Variants in PCDHGA1 observed in about 807,000 individuals in gnomAD.
The protein encoded by PCDHGA1 is protocadherin gamma-A1.
Under a neutral mutation model 58.0 loss-of-function variants are expected in PCDHGA1, and 32 were observed. That is an observed-to-expected ratio of 0.55 (90% CI 0.42 to 0.74). The LOEUF (loss-of-function observed/expected upper bound fraction) is 0.74, where lower values mean the gene tolerates loss of function less well. Ranked by LOEUF, PCDHGA1 falls within the 30% of genes least tolerant of loss-of-function variation. The pLI, the probability that PCDHGA1 is intolerant of heterozygous loss-of-function variation, is 0.00. For synonymous variants in PCDHGA1, 498 were observed against 501.1 expected (o/e 0.99, Z 0.08); for missense variants, 1,205 against 1,182.3 (o/e 1.02, Z -0.28).
At chr5:141,466,871 T>C (rs1432611218) in intron 1 of PCDHGA1, among the ~76,000 whole-genome samples, 2 of 152,166 alleles carry the variant, frequency 1.3e-5, no homozygotes, top group African/African-American at 4.8e-5. Flanking sequence ...ATCCACACAT[T>C]TTTTTCATAA....
At chr5:141,362,603 C>T (rs749234036) in intron 1 of PCDHGA1, 1 of 1,572,606 alleles carries the variant, frequency 6.4e-7, no homozygotes, top group South Asian at 1.2e-5. Flanking sequence ...ATTGTTTCAC[C>T]TAATTTGGGT....
chr5:141,409,571 T>TACGTGGTCC (rs2095286242), intron 1 of PCDHGA1: 2 of 1,613,932 alleles, frequency 1.2e-6, no homozygotes, highest in East Asian at 4.5e-5. Context: ...CCAGACGTCC[T>TACGTGGTCC]ACGTGGTCCA....
At chr5:141,473,283 A>G (rs2099318531) in intron 1 of PCDHGA1, among the ~76,000 whole-genome samples, 1 of 152,324 alleles carries the variant, frequency 6.6e-6, no homozygotes, top group Non-Finnish European at 1.5e-5. Flanking sequence ...TTATTTTACT[A>G]TGTCAGTAGC....
At chr5:141,503,729 G>C (rs531112359) in intron 2 of PCDHGA1, among the ~76,000 whole-genome samples, 1 of 152,190 alleles carries the variant, frequency 6.6e-6, no homozygotes, top group East Asian at 1.9e-4. Flanking sequence ...CTTTATGTTT[G>C]TTGTGATGGT....
intron 2 of PCDHGA1, among the ~76,000 whole-genome samples, chr5:141,501,506 G>A (rs770097282): frequency 1.3e-5 from 2 of 151,864 alleles, no homozygotes; most frequent in Non-Finnish European, 2.9e-5. Context: ...GGGGCTCCAA[G>A]GCCTCCAAGC....
In PCDHGA1 at chr5:141,476,776, G is replaced by A. The variant is rs764674164; in HGVS notation, c.2422-18031G>A. 9.3e-6 allele frequency: 15 copies of A among 1,612,744 alleles called. No homozygotes were observed. The highest frequency in any genetic ancestry group is 1.3e-5 in the Non-Finnish European group (15 of 1,179,218). On this transcript the variant is annotated intron_variant, in intron 1 of 3. Coordinates refer to ENST00000517417, the MANE Select transcript of PCDHGA1 (RefSeq NM_018912.3). This position sits in a 1 kb window ranked among gnomAD's most constrained non-coding sequence, Gnocchi z 7.6. ...TAGTGCTGACGGCGTTGGACGGAGG[G>A]ACCCCAGCTCTCTCCGCCAGCCTGC...
At chr5:141,380,964 T>G (rs774157943) in intron 1 of PCDHGA1, among the ~76,000 whole-genome samples, 7 of 152,256 alleles carry the variant, frequency 4.6e-5, no homozygotes, top group Non-Finnish European at 1.0e-4. Flanking sequence ...TCAAAAGTAC[T>G]ATTAAACAAA....
chr5:141,440,878 C>A (rs1359689557), intron 1 of PCDHGA1: 1 of 152,146 alleles, frequency 6.6e-6, no homozygotes, highest in Non-Finnish European at 1.5e-5. Context: ...TGTACAGCGT[C>A]GGCCTTCAGG....
rs779317191 is a variant in PCDHGA1, at chr5:141,432,553, C to G, written c.2422-62254C>G. The G allele has an allele frequency of 2.6e-5, 42 of 1,613,748 alleles. No individual in the cohort carries two copies. The highest frequency in any genetic ancestry group is 2.0e-4 in the South Asian group (18 of 91,068). The stretch of plus-strand genomic sequence containing the variant: ...AGGTGGTGGCGGTGGACAGAGACTC[C>G]GGCCAGAACGCCTGGCTGTCCTACC... On this transcript the variant is annotated intron_variant, in intron 1 of 3. Coordinates refer to ENST00000517417, the MANE Select transcript of PCDHGA1 (RefSeq NM_018912.3). The surrounding 1 kb of genome is among the most constrained non-coding windows in gnomAD (Gnocchi z 6.0).
chr5:141,416,130 C>T (rs907950687), intron 1 of PCDHGA1: 1 of 154,098 alleles, frequency 6.5e-6, no homozygotes, highest in African/African-American at 2.4e-5. Context: ...ATATATTTTT[C>T]AATCTATACT....
chr5:141,466,297 A>G (rs1206472131), intron 1 of PCDHGA1, among the ~76,000 whole-genome samples: 3 of 152,146 alleles, frequency 2.0e-5, no homozygotes, highest in East Asian at 1.9e-4. Flanking sequence ...CAGGCTCCCA[A>G]GTAGCTGGGA....
rs773127033 is a variant in PCDHGA1 at position 141,365,541 on chromosome 5, T to C, written c.2421+32436T>C. On this transcript the variant is annotated intron_variant, in intron 1 of 3. Transcript: ENST00000517417. Reference sequence around the variant, plus strand: ...AAGTCAGTTGATAATTACTATCACCTATTAACAACTAGGGACCTGGACAGA... The same window carrying C: ...AAGTCAGTTGATAATTACTATCACCCATTAACAACTAGGGACCTGGACAGA... 3 of 1,613,728 alleles carry C rather than the reference T, an allele frequency of 1.9e-6. No individual in the cohort carries two copies. In the African/African-American group the frequency reaches 4.0e-5, roughly 22 times the overall value.
rs201857404 is a variant in PCDHGA1, at chr5:141,485,844, G to C, written c.2422-8963G>C. The C allele has an allele frequency of 1.1e-5, 18 of 1,613,772 alleles. No homozygotes were observed. The highest frequency in any genetic ancestry group is 1.4e-5 in the Non-Finnish European group (16 of 1,179,956). ...GATGGAGGGAACCCGCCGAGATCTG[G>C]CACCGCAGAGCTCCGGGTATCCGTG... is the stretch of plus-strand genomic sequence containing the variant. On this transcript the variant is annotated intron_variant, in intron 1 of 3. Transcript: ENST00000517417. This position sits in a 1 kb window ranked among gnomAD's most constrained non-coding sequence, Gnocchi z 5.7.
intron 1 of PCDHGA1, chr5:141,478,531 C>A (rs771145308): frequency 8.1e-6 from 13 of 1,608,072 alleles, no homozygotes; most frequent in Admixed American, 5.1e-5. Context: ...GTGCAGAGAG[C>A]GCCCCTCCCG....
intron 1 of PCDHGA1, among the ~76,000 whole-genome samples, chr5:141,461,345 G>A (rs1277222105): frequency 1.3e-5 from 2 of 152,102 alleles, no homozygotes; most frequent in African/African-American, 4.8e-5. Context: ...CAGGACCAAG[G>A]TGGTAGCTCG....
intron 1 of PCDHGA1, chr5:141,409,997 G>C: frequency 1.2e-6 from 2 of 1,613,224 alleles, no homozygotes; most frequent in South Asian, 2.2e-5. Context: ...CGCCGACTCG[G>C]GACACAACGC....
In PCDHGA1 at chr5:141,339,410, A is replaced by G. The variant is rs1756833649; in HGVS notation, c.2421+6305A>G. The G allele has an allele frequency of 3.7e-6, 6 of 1,614,246 alleles. No homozygotes were observed. The East Asian group carries it at 1.3e-4, about 36-fold the overall frequency. ...GGAGCTAAAAATCAGTGAAACCACT[A>G]CGCCAGGATTCCGGATTCCTCTTAA... is the stretch of plus-strand genomic sequence containing the variant. On this transcript the variant is annotated intron_variant, in intron 1 of 3. Transcript: ENST00000517417.
chr5:141,438,617 TATATATATATATATATATACACAC>T (rs1311176771), intron 1 of PCDHGA1, among the ~76,000 whole-genome samples: 58 of 37,154 alleles, frequency 1.6e-3, no homozygotes, highest in African/African-American at 7.8e-3. Flanking sequence ...TATATATATA[TATATATATATATATATATACACAC>T]ACACACACAC....
At chr5:141,459,710 C>T (rs2098973565) in intron 1 of PCDHGA1, among the ~76,000 whole-genome samples, 1 of 152,204 alleles carries the variant, frequency 6.6e-6, no homozygotes, top group Non-Finnish European at 1.5e-5. Flanking sequence ...CATTTTCTCA[C>T]CAATGCTTCC....
Sources: gnomAD v4.1 joint callset for allele counts (sites outside exome capture counted in the v4.1 genomes callset) on GRCh38, gnomAD v4.1.1 for gene constraint, Gnocchi (gnomAD v3.1) non-coding constraint, MANE v1.5 for transcripts, NCBI Gene and HGNC (gene_info 2026-07-23, HGNC 2026-07-21) for gene names.